The following SPARCL1 variants were observed in gnomAD, a reference collection of about 807,000 sequenced individuals.
The protein encoded by SPARCL1 is SPARC-like protein 1.
Under a neutral mutation model 67.1 loss-of-function variants are expected in SPARCL1, and 52 were observed. The observed-to-expected ratio is 0.78, with a 90% CI of 0.62 to 0.98. The LOEUF (loss-of-function observed/expected upper bound fraction) is 0.98, where lower values mean the gene tolerates loss of function less well. Ranked by LOEUF, SPARCL1 falls within the 50% of genes least tolerant of loss-of-function variation. SPARCL1 has a pLI of 0.00. For missense variants in SPARCL1, 717 were observed against 782.4 expected, an observed-to-expected ratio of 0.92 and a Z score of 1.00; for synonymous variants, 226 against 267.8, an observed-to-expected ratio of 0.84 and a Z score of 1.52.
At chr4:87,488,402 G>T (rs183144197) in intron 7 of SPARCL1, among the ~76,000 whole-genome samples, 1 of 152,300 alleles carries the variant, frequency 6.6e-6, no homozygotes, top group Admixed American at 6.5e-5. Context: ...GACCTTGTTT[G>T]CCTGGGTGTC....
intron 3 of SPARCL1, 93 bp from the exon 4 acceptor site, chr4:87,494,691 T>C (rs1045298197): frequency 3.0e-6 from 3 of 1,008,394 alleles, no homozygotes; most frequent in Non-Finnish European, 4.3e-6. Context: ...TTCTTTTTCT[T>C]CACACACTAT....
chr4:87,490,479 A>G, intron 6 of SPARCL1, 86 bp from the exon 7 acceptor site: 1 of 1,448,802 alleles, frequency 6.9e-7, no homozygotes, highest in Non-Finnish European at 9.3e-7. Flanking sequence ...TATGCTGATA[A>G]CAGCGCTGTG....
intron 1 of SPARCL1, among the ~76,000 whole-genome samples, chr4:87,519,411 A>G (rs1725714766): frequency 6.6e-6 from 1 of 152,126 alleles, no homozygotes; most frequent in African/African-American, 2.4e-5. Context: ...AGATAACTCA[A>G]GTTGAATCAA....
intron 10 of SPARCL1, among the ~76,000 whole-genome samples, chr4:87,477,560 T>C (rs779457737): frequency 1.3e-5 from 2 of 152,168 alleles, no homozygotes; most frequent in African/African-American, 2.4e-5. Context: ...TTTTTCTCTC[T>C]TTCTGCCTGG....
At chr4:87,485,461 G>T (rs541321390) in intron 7 of SPARCL1, among the ~76,000 whole-genome samples, 6 of 151,770 alleles carry the variant, frequency 4.0e-5, no homozygotes, top group African/African-American at 1.2e-4. Flanking sequence ...TCCTGGATTT[G>T]GTTTGCCAGT....
intron 1 of SPARCL1, among the ~76,000 whole-genome samples, chr4:87,510,525 G>A (rs944111182): frequency 2.0e-5 from 3 of 152,204 alleles, no homozygotes; most frequent in African/African-American, 7.2e-5. Context: ...GCAGCCTGAT[G>A]TCGAGAAGAA....
chr4:87,528,655 A>G (rs986392167), intron 1 of SPARCL1: 1 of 152,160 alleles, frequency 6.6e-6, no homozygotes, highest in African/African-American at 2.4e-5. Flanking sequence ...AAATTATTTG[A>G]TTTGAAATTT....
chr4:87,517,502 A>G (rs1301403176), intron 1 of SPARCL1, among the ~76,000 whole-genome samples: 1 of 152,172 alleles, frequency 6.6e-6, no homozygotes, highest in Non-Finnish European at 1.5e-5. Context: ...TAATTATCAG[A>G]TAGATTAATC....
chr4:87,522,685 A>ACG (rs1246005061), intron 1 of SPARCL1, among the ~76,000 whole-genome samples: 232 of 141,714 alleles, frequency 1.6e-3, no homozygotes, highest in African/African-American at 5.7e-3. Flanking sequence ...ACACACACGC[A>ACG]CACACACAGA....
intron 8 of SPARCL1, among the ~76,000 whole-genome samples, chr4:87,481,303 C>T (rs13434939): frequency 0.21 from 32,282 of 152,124 alleles, 5,143 homozygotes; most frequent in African/African-American, 0.45. Flanking sequence ...TCCCCACTAA[C>T]ATTTCCTTCT....
At chr4:87,505,857 C>T (rs1277907501) in intron 1 of SPARCL1, among the ~76,000 whole-genome samples, 1 of 151,882 alleles carries the variant, frequency 6.6e-6, no homozygotes, top group African/African-American at 2.4e-5. Context: ...CTGTGCCTAG[C>T]CTTATATTTT....
rs768966565 is a variant in SPARCL1, at chr4:87,491,649, T to G, written c.1260A>C (p.Ser420=). ...CATGCACCCTCATGTTGCCTTCACTTGACGTTTCCTCCTCATTTGATGAGT... is the reference window on the plus strand; with the variant it reads ...CATGCACCCTCATGTTGCCTTCACTGGACGTTTCCTCCTCATTTGATGAGT... ...AENSSNEEET[S]SEGNMRVHAV... is the part of the protein sequence containing the mutation. Residue 420 remains serine (S), a synonymous_variant, in exon 5 of 11, where the codon TCA becomes TCC. Transcript: ENST00000282470. The G allele has an allele frequency of 3.1e-6, 5 of 1,613,932 alleles. No homozygotes were observed. Among genetic ancestry groups the G allele is most frequent in the Non-Finnish European group, 4.2e-6 (5 of 1,179,850 alleles).
chr4:87,491,655 TTCC>T lies in SPARCL1; in HGVS notation c.1251_1253del (p.Glu418del), dbSNP rs745907354. 230 of 1,613,742 alleles carry T rather than the reference TTCC, an allele frequency of 1.4e-4. No individual in the cohort carries two copies. The highest frequency in any genetic ancestry group is 1.9e-4 in the Non-Finnish European group (226 of 1,179,804). On this transcript the variant is annotated inframe_deletion, in exon 5 of 11. Coordinates refer to ENST00000282470, the MANE Select transcript of SPARCL1 (RefSeq NM_004684.6). ...CCCTCATGTTGCCTTCACTTGACGT[TTCC>T]TCCTCATTTGATGAGTTCTCTGCTT... is the stretch of plus-strand genomic sequence containing the variant.
intron 1 of SPARCL1, among the ~76,000 whole-genome samples, chr4:87,523,260 C>CA (rs10632447): frequency 0.081 from 11,423 of 140,228 alleles, 487 homozygotes; most frequent in African/African-American, 0.092. Flanking sequence ...GACTCTGTCT[C>CA]AAAAAAAAAA....
intron 4 of SPARCL1, among the ~76,000 whole-genome samples, chr4:87,492,395 G>C (rs1407779521): frequency 1.3e-5 from 2 of 150,318 alleles, no homozygotes; most frequent in Non-Finnish European, 1.5e-5. Flanking sequence ...TCCAACCTGG[G>C]TGAAGGAGTG....
intron 3 of SPARCL1, 62 bp downstream of exon 3, chr4:87,494,918 CT>C: frequency 7.1e-7 from 1 of 1,412,230 alleles, no homozygotes. Flanking sequence ...TTTTACCATG[CT>C]TTGAAACTAA....
At chr4:87,480,316 T>C in intron 9 of SPARCL1, 56 bp downstream of exon 9, 1 of 1,450,802 alleles carries the variant, frequency 6.9e-7, no homozygotes, top group East Asian at 2.3e-5. Context: ...TGCATAGATA[T>C]GTAGATATTT....
chr4:87,527,135 A>C (rs1726077492), intron 1 of SPARCL1, among the ~76,000 whole-genome samples: 1 of 152,218 alleles, frequency 6.6e-6, no homozygotes, highest in African/African-American at 2.4e-5. Context: ...TGTTTTTCAA[A>C]GTTCTATCCA....
chr4:87,498,215 C>T (rs1724701436), intron 2 of SPARCL1, among the ~76,000 whole-genome samples: 1 of 152,170 alleles, frequency 6.6e-6, no homozygotes, highest in Non-Finnish European at 1.5e-5. Context: ...ATAATTTCAG[C>T]TAGAGTAGCT....
Sources: allele counts gnomAD v4.1 joint callset (sites outside exome capture counted in the v4.1 genomes callset), GRCh38; gene constraint gnomAD v4.1.1; transcripts MANE v1.5; gene names NCBI Gene and HGNC (gene_info 2026-07-23, HGNC 2026-07-21).